ZNF507: variants seen among roughly 807,000 people sequenced by gnomAD.
ZNF507 encodes the protein zinc finger protein 507.
In ZNF507, 29 loss-of-function variants were observed where a neutral mutation model predicts 80.0. That is an observed-to-expected ratio of 0.36 (90% CI 0.27 to 0.49). The LOEUF (loss-of-function observed/expected upper bound fraction) is 0.49. ZNF507 is among the 20% of genes least tolerant of loss of function. The probability of loss-of-function intolerance (pLI) is 0.98; values close to 1 mark genes in which losing one functional copy is unlikely to be tolerated. For missense variants in ZNF507, 1,081 were observed against 1,152.2 expected (o/e 0.94, Z 0.90); for synonymous variants, 462 against 422.5 (o/e 1.09, Z -1.15).
At chr19:32,380,253 G>A (rs537404288) in intron 5 of ZNF507, among the ~76,000 whole-genome samples, 1 of 152,110 alleles carries the variant, frequency 6.6e-6, no homozygotes, top group Admixed American at 6.6e-5. Context: ...CACTTAGGGA[G>A]TATGAGGTAG....
At chr19:32,351,470 T>TGTGTGTGTGG (rs1568301905) in intron 2 of ZNF507, among the ~76,000 whole-genome samples, 1 of 102,562 alleles carries the variant, frequency 9.8e-6, no homozygotes, top group African/African-American at 3.9e-5. Flanking sequence ...TGTGTGTGTG[T>TGTGTGTGTGG]GGCGTGGGGG....
chr19:32,364,713 C>T (rs200549440), intron 5 of ZNF507, among the ~76,000 whole-genome samples: 26 of 151,820 alleles, frequency 1.7e-4, no homozygotes, highest in East Asian at 1.2e-3. Context: ...TATATATCTC[C>T]GAGTTCTTTA....
intron 4 of ZNF507, chr19:32,359,870 G>T (rs1481858099): frequency 1.3e-5 from 2 of 152,166 alleles, no homozygotes; most frequent in African/African-American, 4.8e-5. Context: ...AATGCACTGG[G>T]TGAAAAGGCC....
At position 32,385,468 on chromosome 19, in the gene ZNF507, T is replaced by C. The variant is rs913568650; in HGVS notation, c.*2385T>C. ...GTCTACCAAGAACAATTGAGTTTTC[T>C]AAAAGTAATAATGAAGATTATGCAA... On this transcript the variant is annotated 3_prime_UTR_variant, in exon 7 of 7. Transcript: ENST00000355898. The C allele has an allele frequency of 3.9e-5, 6 of 152,210 alleles. No individual in the cohort carries two copies. Among genetic ancestry groups the C allele is most frequent in the African/African-American group, 1.4e-4 (6 of 41,462 alleles). 9.4% of individuals were successfully genotyped at this position (152,210 alleles called of 1,614,324 possible).
At chr19:32,378,776 C>G (rs1360797281) in intron 5 of ZNF507, among the ~76,000 whole-genome samples, 1 of 151,996 alleles carries the variant, frequency 6.6e-6, no homozygotes, top group African/African-American at 2.4e-5. Flanking sequence ...ACCCAGTTTT[C>G]TCAAAAATAT....
chr19:32,378,569 T>C (rs753978502), intron 5 of ZNF507, among the ~76,000 whole-genome samples: 3 of 152,074 alleles, frequency 2.0e-5, no homozygotes, highest in Non-Finnish European at 4.4e-5. Context: ...GAAGGTAACA[T>C]GTTAACAGTA....
In ZNF507 at chr19:32,382,722, T is replaced by C. The variant is rs976737881; in HGVS notation, c.2501T>C (p.Leu834Pro). 6.2e-7 allele frequency: 1 copy of C among 1,611,536 alleles called. No individual in the cohort carries two copies. Among genetic ancestry groups the C allele is most frequent in the Non-Finnish European group, 8.5e-7 (1 of 1,178,514 alleles). Residue 834 changes from leucine (L) to proline (P), a missense_variant, in exon 7 of 7, where the codon CTG becomes CCG. Coordinates refer to ENST00000355898, the MANE Select transcript of ZNF507 (RefSeq NM_001136156.2). ...NDAISQSGRVLGKSPGKTQLK... is the reference protein window; with the variant it reads ...NDAISQSGRVPGKSPGKTQLK... ...GTGTTTGTTTTGTTTTTAAGAGTTC[T>C]GGGGAAATCCCCTGGAAAGACTCAA...
intron 2 of ZNF507, 24 bp from the exon 3 acceptor site, chr19:32,352,805 T>C (rs766166189): frequency 6.5e-7 from 1 of 1,531,288 alleles, no homozygotes; most frequent in Non-Finnish European, 8.7e-7. Flanking sequence ...CTGGTATTTT[T>C]CTGTTTTACA....
intron 5 of ZNF507, among the ~76,000 whole-genome samples, chr19:32,368,751 A>G (rs1967432022): frequency 6.6e-6 from 1 of 152,240 alleles, no homozygotes; most frequent in African/African-American, 2.4e-5. Flanking sequence ...GTTCATCACA[A>G]AATTTGAAGT....
At chr19:32,356,253 G>C (rs563633166) in intron 3 of ZNF507, among the ~76,000 whole-genome samples, 1 of 152,288 alleles carries the variant, frequency 6.6e-6, no homozygotes, top group East Asian at 1.9e-4. Flanking sequence ...TAGGAGTCTG[G>C]TGATTACTGA....
At chr19:32,367,919 G>A (rs533380660) in intron 5 of ZNF507, among the ~76,000 whole-genome samples, 7 of 152,250 alleles carry the variant, frequency 4.6e-5, no homozygotes, top group South Asian at 4.2e-4. Context: ...GGCCAGACCC[G>A]GTGTGCTAAG....
At position 32,368,790 on chromosome 19, in the gene ZNF507, CT is replaced by C. The variant is rs370715505; in HGVS notation, c.2360+8175del. Among the ~76,000 whole-genome samples the C allele has an allele frequency of 8.1e-4, 124 of 152,240 alleles. 3 individuals carry two copies. In the South Asian group the frequency reaches 0.025, roughly 31 times the overall value. Reference sequence around the variant, plus strand: ...TGTTTTGTGGGGGCCTTAGTTATTTCTTTAAAAGCATAGAAAATGAATTGAA... The same window carrying C: ...TGTTTTGTGGGGGCCTTAGTTATTTCTTAAAAGCATAGAAAATGAATTGAA... On this transcript the variant is annotated intron_variant, in intron 5 of 6. Coordinates refer to ENST00000355898, the MANE Select transcript of ZNF507 (RefSeq NM_001136156.2).
chr19:32,352,474 C>CTTTTTTT (rs34217641), intron 2 of ZNF507, among the ~76,000 whole-genome samples: 20 of 146,302 alleles, frequency 1.4e-4, no homozygotes, highest in Non-Finnish European at 1.6e-4. Context: ...GAATAGGAGT[C>CTTTTTTT]TTTTTTTTTT....
rs1967226833 is a variant in ZNF507 at position 32,354,752 on chromosome 19, A to G, written c.1922A>G (p.Tyr641Cys). The stretch of plus-strand genomic sequence containing the variant: ...TACATCCCGAATGCTGAACGACCCT[A>G]CCGTTGCCGCCTGTGTCACTACACA... ...VEYIPNAERP[Y>C]RCRLCHYTSG... Residue 641 changes from tyrosine to cysteine, a missense_variant, in exon 3 of 7, where the codon TAC (tyrosine) becomes TGC (cysteine). Tyr to Cys is a radical substitution (Grantham distance 194). Around this residue, in one of 6 missense-constraint regions of ZNF507, gnomAD observed 614 missense variants for 583.9 expected, o/e 1.05. Transcript: ENST00000355898. The G allele has an allele frequency of 6.2e-6, 10 of 1,614,104 alleles. No homozygotes were observed. The highest frequency in any genetic ancestry group is 1.3e-5 in the African/African-American group (1 of 75,032).
chr19:32,346,675 G>A (rs200963470), intron 1 of ZNF507, among the ~76,000 whole-genome samples: 1 of 152,196 alleles, frequency 6.6e-6, no homozygotes, highest in East Asian at 1.9e-4. Context: ...AACCGTAATC[G>A]ATAAGGTAGT....
rs1267095507 is a variant in ZNF507, at chr19:32,353,941, A to C, written c.1111A>C (p.Asn371His). The part of the protein sequence containing the change: ...MLEVISDAEE[N>H]LIPDSLLTSA... ...AGAAGTGATTTCTGATGCAGAGGAG[A>C]ATCTGATTCCTGATAGCCTGCTTAC... Residue 371 changes from asparagine to histidine, a missense_variant, in exon 3 of 7, where the codon AAT (asparagine) becomes CAT (histidine). This residue lies in a region of ZNF507 where 614 missense variants were observed against 583.9 expected (regional missense o/e 1.05). Coordinates refer to ENST00000355898, the MANE Select transcript of ZNF507 (RefSeq NM_001136156.2). 6.2e-7 allele frequency: 1 copy of C among 1,614,170 alleles called. No homozygotes were observed. The highest frequency in any genetic ancestry group is 1.6e-4 in the Middle Eastern group (1 of 6,062).
At position 32,353,692 on chromosome 19, in the gene ZNF507, C is replaced by G. The variant is rs762664980; in HGVS notation, c.862C>G (p.Leu288Val). 6.2e-7 allele frequency: 1 copy of G among 1,614,056 alleles called. No homozygotes were observed. The highest frequency in any genetic ancestry group is 8.5e-7 in the Non-Finnish European group (1 of 1,180,048). Residue 288 changes from leucine to valine, a missense_variant, in exon 3 of 7, where the codon CTA becomes GTA. Coordinates refer to ENST00000355898, the MANE Select transcript of ZNF507 (RefSeq NM_001136156.2). ...AATCTTTGAAAATGAAAATGAACCC[C>G]TAGGCCTGCTGGATTCTTCAGCAGC... ...YPIFENENEP[L>V]GLLDSSAAAA...
In ZNF507 at chr19:32,382,741, G is replaced by A; in HGVS notation, c.2520G>A (p.Lys840=). ...SGRVLGKSPG[K]TQLKSSEESA... is the part of the protein sequence containing the mutation. ...GAGTTCTGGGGAAATCCCCTGGAAA[G>A]ACTCAATTAAAGAGCAGTGAAGAGA... The change falls in exon 7 of 7, where the codon AAG becomes AAA. Residue 840 remains lysine, a synonymous_variant. Transcript: ENST00000355898. 6.2e-7 allele frequency: 1 copy of A among 1,612,994 alleles called. No individual in the cohort carries two copies. Among genetic ancestry groups the A allele is most frequent in the South Asian group, 1.1e-5 (1 of 90,986 alleles).
Position 32,383,056 on chromosome 19 carries a change from C to A in ZNF507, c.2835C>A (p.Asp945Glu). Residue 945 changes from aspartate (D) to glutamate (E), a missense_variant, in exon 7 of 7, where the codon GAC becomes GAA. By Grantham distance (45) the Asp-to-Glu change is conservative. Around this residue, in one of 6 missense-constraint regions of ZNF507, gnomAD observed 138 missense variants for 158.4 expected, o/e 0.87. Coordinates refer to ENST00000355898, the MANE Select transcript of ZNF507 (RefSeq NM_001136156.2). The part of the protein sequence containing the change: ...GEIVNIILNK[D>E]HNTALNTN The stretch of plus-strand genomic sequence containing the variant: ...TTGTAAACATCATCCTGAATAAGGA[C>A]CACAATACAGCTCTAAACACAAATT... 6.2e-7 allele frequency: 1 copy of A among 1,613,916 alleles called. No homozygotes were observed. The highest frequency in any genetic ancestry group is 8.5e-7 in the Non-Finnish European group (1 of 1,179,896).
Sources: gnomAD v4.1 joint callset for allele counts (sites outside exome capture counted in the v4.1 genomes callset) on GRCh38, gnomAD v4.1.1 for gene constraint, gnomAD v4.1.1 regional missense constraint, MANE v1.5 for transcripts, NCBI Gene and HGNC (gene_info 2026-07-23, HGNC 2026-07-21) for gene names.